AIMP2: variants seen among roughly 807,000 people sequenced by gnomAD.
The protein encoded by AIMP2 is aminoacyl tRNA synthase complex-interacting multifunctional protein 2.
A neutral mutation model predicts 23.4 loss-of-function variants in AIMP2; 20 were observed. The ratio of observed to expected loss-of-function variants is 0.85; its 90% CI spans 0.60 to 1.24. The LOEUF is 1.24. Among genes scored for constraint, AIMP2 ranks in the 50% most tolerant of loss-of-function variants. The probability of loss-of-function intolerance (pLI) is 0.00; values close to 1 mark genes in which losing one functional copy is unlikely to be tolerated. For synonymous variants in AIMP2, 210 were observed against 170.4 expected (o/e 1.23, Z -1.81); for missense variants, 515 against 414.5 (o/e 1.24, Z -2.10).
intron 3 of AIMP2, 173 bp from the exon 4 acceptor site, chr7:6,023,130 C>T (rs982352361): frequency 1.3e-5 from 10 of 745,962 alleles, no homozygotes; most frequent in Non-Finnish European, 1.9e-5. Context: ...CACTTAAACC[C>T]TTTTCAGTAG....
Position 6,018,053 on chromosome 7 carries a change from G to A in AIMP2, c.574+8G>A, listed in dbSNP as rs1787137923. The A allele has an allele frequency of 6.2e-7, 1 of 1,607,330 alleles. No individual in the cohort carries two copies. Among genetic ancestry groups the A allele is most frequent in the African/African-American group, 1.3e-5 (1 of 74,810 alleles). On this transcript the variant is annotated splice_region_variant and intron_variant, in intron 3 of 3. Transcript: ENST00000223029. ...CTTTAATTTGGAAGAATGGTAAGTA[G>A]ACGGGACTGAGTTCAACTTACACAC...
In AIMP2 at chr7:6,023,411, T is replaced by C. The variant is rs575274304; in HGVS notation, c.683T>C (p.Val228Ala). The C allele has an allele frequency of 8.1e-6, 13 of 1,614,236 alleles. No individual in the cohort carries two copies. The East Asian group carries it at 2.5e-4, about 30-fold the overall frequency. ...FSLFGQKHNA[V>A]NATLIDSWVD... Reference sequence around the variant, plus strand: ...CTGTTTGGCCAGAAGCATAATGCTGTCAACGCAACCCTTATAGATAGCTGG... The same window carrying C: ...CTGTTTGGCCAGAAGCATAATGCTGCCAACGCAACCCTTATAGATAGCTGG... Residue 228 changes from valine to alanine, a missense_variant, in exon 4 of 4, where the codon GTC becomes GCC. Transcript: ENST00000223029.
intron 3 of AIMP2, among the ~76,000 whole-genome samples, chr7:6,020,033 A>G (rs369377454): frequency 2.7e-5 from 4 of 150,386 alleles, no homozygotes; most frequent in African/African-American, 4.9e-5. Context: ...AAAAAAAAAA[A>G]AAAAGGGAAA....
intron 3 of AIMP2, among the ~76,000 whole-genome samples, chr7:6,018,706 C>T (rs564946239): frequency 2.0e-5 from 3 of 151,642 alleles, no homozygotes; most frequent in South Asian, 2.1e-4. Context: ...TGGTAGCAGG[C>T]GCCTGTAATC....
chr7:6,022,836 G>T (rs975480893), intron 3 of AIMP2: 1 of 157,898 alleles, frequency 6.3e-6, no homozygotes, highest in Non-Finnish European at 1.4e-5. Flanking sequence ...ATAAAGATAG[G>T]ATGTTATGTA....
rs200084577 is a variant in AIMP2 at position 6,015,193 on chromosome 7, T to C, written c.183T>C (p.Asp61=). 7 of 1,614,060 alleles carry C rather than the reference T, an allele frequency of 4.3e-6. No homozygotes were observed. Among genetic ancestry groups the C allele is most frequent in the Non-Finnish European group, 5.9e-6 (7 of 1,180,032 alleles). The change falls in exon 2 of 4, where the codon GAT becomes GAC. Residue 61 remains aspartate, a synonymous_variant. Transcript: ENST00000223029. ...SLQALESRQD[D]ILKRLYELKA... The stretch of plus-strand genomic sequence containing the variant: ...AAGCTCTTGAGTCCCGCCAAGATGA[T>C]ATTTTAAAACGTCTGTATGAGTTGA...
intron 2 of AIMP2, 45 bp from the exon 3 acceptor site, chr7:6,017,769 C>A: frequency 1.3e-6 from 2 of 1,549,576 alleles, no homozygotes; most frequent in South Asian, 1.2e-5. Flanking sequence ...CACAGTGGCA[C>A]TCTCCGATGA....
rs1362752999 is a variant in AIMP2 at position 6,021,056 on chromosome 7, A to G, written c.575-2247A>G. Among the ~76,000 whole-genome samples, 6 of 152,188 alleles carry G rather than the reference A, an allele frequency of 3.9e-5. No individual in the cohort carries two copies. In the East Asian group the frequency reaches 1.2e-3, roughly 29 times the overall value. On this transcript the variant is annotated intron_variant, in intron 3 of 3. Coordinates refer to ENST00000223029, the MANE Select transcript of AIMP2 (RefSeq NM_006303.4). ...TCAGGATGTACCTTGCCAGTAAGGT[A>G]CACCTTTTTAAAGTTCTTCAATGCT...
At chr7:6,021,213 G>T (rs547934330) in intron 3 of AIMP2, among the ~76,000 whole-genome samples, 79 of 151,996 alleles carry the variant, frequency 5.2e-4, no homozygotes, top group Non-Finnish European at 9.1e-4. Flanking sequence ...GCATGGTGGC[G>T]CATGCCTGTA....
chr7:6,009,922 C>T (rs1485107516), intron 1 of AIMP2, among the ~76,000 whole-genome samples: 1 of 117,082 alleles, frequency 8.5e-6, no homozygotes, highest in Admixed American at 9.9e-5. Context: ...GCACTCGAGC[C>T]TGGGCAACAA....
rs1303183298 is a variant in AIMP2 at position 6,009,944 on chromosome 7, T to C, written c.135+446T>C. ...AGCCTGGGCAACAAGAGCTAAACTC[T>C]ATCTCAAAAAAAAAAAAAAAAAAAA... On this transcript the variant is annotated intron_variant, in intron 1 of 3. Transcript: ENST00000223029. Among the ~76,000 whole-genome samples the C allele has an allele frequency of 7.5e-5, 4 of 53,060 alleles. No homozygotes were observed. In the East Asian group the frequency reaches 3.3e-3, roughly 44 times the overall value. 34.8% of individuals were successfully genotyped at this position (53,060 alleles called of 152,430 possible). A position where few individuals can be genotyped will look rare whatever the true frequency, so the allele number is the denominator to read the frequency against.
chr7:6,009,653 T>C (rs1222296551), intron 1 of AIMP2, among the ~76,000 whole-genome samples, 155 bp downstream of exon 1: 1 of 151,932 alleles, frequency 6.6e-6, no homozygotes, highest in East Asian at 1.9e-4. Flanking sequence ...CTTTTATGTT[T>C]TAAAAGATTT....
intron 3 of AIMP2, among the ~76,000 whole-genome samples, chr7:6,018,765 TGGA>T (rs1441999523): frequency 6.6e-6 from 1 of 150,662 alleles, no homozygotes; most frequent in Non-Finnish European, 1.5e-5. Flanking sequence ...ACCCAGGAGG[TGGA>T]GGTTGCAGTG....
At chr7:6,018,791 G>A (rs1156791190) in intron 3 of AIMP2, among the ~76,000 whole-genome samples, 10 of 151,806 alleles carry the variant, frequency 6.6e-5, no homozygotes, top group African/African-American at 1.2e-4. Context: ...CCAAGATCAC[G>A]CCATTGTATT....
At position 6,011,398 on chromosome 7, in the gene AIMP2, C is replaced by T. The variant is rs545691434; in HGVS notation, c.135+1900C>T. On this transcript the variant is annotated intron_variant, in intron 1 of 3. Transcript: ENST00000223029. ...TCTCCAGACTTCTCTAACTTGAGGA[C>T]CTTTTCATATTCACTGGCCGCTGTG... Among the ~76,000 whole-genome samples, 3 of 152,288 alleles carry T rather than the reference C, an allele frequency of 2.0e-5. No individual in the cohort carries two copies. The South Asian group carries it at 6.2e-4, about 32-fold the overall frequency.
At chr7:6,017,393 G>A (rs1787087661) in intron 2 of AIMP2, among the ~76,000 whole-genome samples, 1 of 151,910 alleles carries the variant, frequency 6.6e-6, no homozygotes, top group African/African-American at 2.4e-5. Flanking sequence ...CATGGTGACA[G>A]GCACCTGTAG....
rs1224608924 is a variant in AIMP2 at position 6,009,294 on chromosome 7, G to C, written c.-70G>C. 1 of 1,609,888 alleles carries C rather than the reference G, an allele frequency of 6.2e-7. No homozygotes were observed. The highest frequency in any genetic ancestry group is 8.5e-7 in the Non-Finnish European group (1 of 1,179,038). On this transcript the variant is annotated 5_prime_UTR_variant, in exon 1 of 4. Transcript: ENST00000223029. Reference sequence around the variant, plus strand: ...GTCAGAAGGGAGGTGGCCGGTCTCCGTCGTGACCTCTGACGGTTTCTGAGC... The same window carrying C: ...GTCAGAAGGGAGGTGGCCGGTCTCCCTCGTGACCTCTGACGGTTTCTGAGC...
At chr7:6,021,213 G>A (rs547934330) in intron 3 of AIMP2, among the ~76,000 whole-genome samples, 2 of 151,876 alleles carry the variant, frequency 1.3e-5, no homozygotes, top group Non-Finnish European at 2.9e-5. Context: ...GCATGGTGGC[G>A]CATGCCTGTA....
intron 2 of AIMP2, among the ~76,000 whole-genome samples, chr7:6,016,688 G>A (rs1389179728): frequency 1.3e-5 from 2 of 152,172 alleles, no homozygotes; most frequent in African/African-American, 2.4e-5. Flanking sequence ...AAGACCCAGC[G>A]TCAAGTAATA....
Sources: gnomAD v4.1 joint callset for allele counts (sites outside exome capture counted in the v4.1 genomes callset) on GRCh38, gnomAD v4.1.1 for gene constraint, MANE v1.5 for transcripts, NCBI Gene and HGNC (gene_info 2026-07-23, HGNC 2026-07-21) for gene names.